PIEZO1: variants seen among roughly 807,000 people sequenced by gnomAD.
PIEZO1 encodes the protein piezo-type mechanosensitive ion channel component 1.
A neutral mutation model predicts 297.2 loss-of-function variants in PIEZO1; 296 were observed. The ratio of observed to expected loss-of-function variants is 1.00; its 90% CI spans 0.91 to 1.10. The LOEUF is 1.10. Among genes scored for constraint, PIEZO1 ranks in the 50% least tolerant of loss-of-function variants. PIEZO1 has a pLI of 0.00. For synonymous variants in PIEZO1, 2,427 were observed against 1,507.5 expected (o/e 1.61, Z -14.13); for missense variants, 5,018 against 3,455.5 (o/e 1.45, Z -11.34).
At chr16:88,719,012 T>C (rs1329269884) in intron 44 of PIEZO1, 1 of 155,546 alleles carries the variant, frequency 6.4e-6, no homozygotes, top group South Asian at 2.0e-4. Flanking sequence ...TGCCAGCTAA[T>C]TGTTTTATTT....
chr16:88,733,012 C>G (rs1904970663), intron 19 of PIEZO1: 1 of 582,818 alleles, frequency 1.7e-6, no homozygotes, highest in Middle Eastern at 4.5e-4. Context: ...TCTCCCTGTC[C>G]AGGGGTGGGG....
Position 88,734,482 on chromosome 16 carries a change from A to G in PIEZO1, c.2054T>C (p.Leu685Pro). The change falls in exon 16 of 51, where the codon CTG (leucine) becomes CCG (proline). Residue 685 changes from leucine (L) to proline (P), a missense_variant. Transcript: ENST00000301015. ...FSVSELFSSI[L>P]VPGFFLLACI... is the part of the protein sequence containing the mutation. ...GGCCAGGAGGAAGAAGCCGGGCACC[A>G]GGATGCTGGAGAAGAGCTCGGACAC... 6.5e-7 allele frequency: 1 copy of G among 1,549,522 alleles called. No individual in the cohort carries two copies. The highest frequency in any genetic ancestry group is 8.7e-7 in the Non-Finnish European group (1 of 1,146,522).
intron 39 of PIEZO1, 33 bp from the exon 40 acceptor site, chr16:88,720,781 C>T: frequency 6.9e-7 from 1 of 1,454,170 alleles, no homozygotes; most frequent in Non-Finnish European, 9.0e-7. Flanking sequence ...GCCTGGGCCC[C>T]CTGGGGACTG....
chr16:88,761,563 G>A (rs1161794534), intron 1 of PIEZO1, among the ~76,000 whole-genome samples: 1 of 152,186 alleles, frequency 6.6e-6, no homozygotes, highest in Non-Finnish European at 1.5e-5. Flanking sequence ...AGGTGCCTTT[G>A]CGTTCTCCCC....
intron 36 of PIEZO1, 63 bp downstream of exon 36, chr16:88,722,155 C>A: frequency 6.6e-7 from 1 of 1,522,844 alleles, no homozygotes; most frequent in South Asian, 1.2e-5. Context: ...CAGTCTCCTG[C>A]CCCTGTTCGG....
At chr16:88,775,773 G>A (rs972975347) in intron 1 of PIEZO1, among the ~76,000 whole-genome samples, 1 of 151,798 alleles carries the variant, frequency 6.6e-6, no homozygotes, top group African/African-American at 2.4e-5. Context: ...GCGAAGGGCA[G>A]GACAGGAGTG....
chr16:88,748,500 C>A (rs1327084974), intron 2 of PIEZO1, among the ~76,000 whole-genome samples: 2 of 138,764 alleles, frequency 1.4e-5, no homozygotes, highest in East Asian at 2.2e-4. Flanking sequence ...CCCCCCCCCC[C>A]CGCACAAGTG....
chr16:88,731,049 G>T (rs187469812), intron 22 of PIEZO1: 117 of 154,758 alleles, frequency 7.6e-4, no homozygotes, highest in Admixed American at 1.2e-3. Context: ...GGTGCTGTGT[G>T]CCTTGAGCAG....
At position 88,720,449 on chromosome 16, in the gene PIEZO1, G is replaced by A. The variant is rs549819134; in HGVS notation, c.5885C>T (p.Ala1962Val). The A allele has an allele frequency of 2.3e-5, 35 of 1,550,488 alleles. No homozygotes were observed. The South Asian group carries it at 3.0e-4, about 13-fold the overall frequency. ...GACAACATCAGCCAGGAACATGAGGGCATAGACGTCGGTGGCTGCGCGGTA... is the reference window on the plus strand; with the variant it reads ...GACAACATCAGCCAGGAACATGAGGACATAGACGTCGGTGGCTGCGCGGTA... The part of the protein sequence containing the change: ...TKYRAATDVY[A>V]LMFLADVVDF... Residue 1962 changes from alanine to valine, a missense_variant, in exon 41 of 51, where the codon GCC becomes GTC. By Grantham distance (64) the Ala-to-Val change is moderately conservative (BLOSUM62 0). Coordinates refer to ENST00000301015, the MANE Select transcript of PIEZO1 (RefSeq NM_001142864.4).
chr16:88,715,481 A>C lies in PIEZO1; in HGVS notation c.*124T>G. On this transcript the variant is annotated 3_prime_UTR_variant, in exon 51 of 51. Coordinates refer to ENST00000301015, the MANE Select transcript of PIEZO1 (RefSeq NM_001142864.4). Reference sequence around the variant, plus strand: ...AGCATCAGGGCTCAGGCAGGCCGGGAGGATGCATCACAGCTGGCGGCCTTG... The same window carrying C: ...AGCATCAGGGCTCAGGCAGGCCGGGCGGATGCATCACAGCTGGCGGCCTTG... The C allele has an allele frequency of 9.3e-7, 1 of 1,070,402 alleles. No homozygotes were observed. The highest frequency in any genetic ancestry group is 1.3e-6 in the Non-Finnish European group (1 of 745,898). The allele number at this position is 1,070,402 out of a possible 1,614,324, so 66.3% of individuals were successfully genotyped here.
At position 88,738,489 on chromosome 16, in the gene PIEZO1, C is replaced by T. The variant is rs766487711; in HGVS notation, c.635-49G>A. ...TGGTACCTGGCCAGTGCCATGTGTC[C>T]CGCTGTCTCCACAGTCATCAGGGAA... is the stretch of plus-strand genomic sequence containing the variant. On this transcript the variant is annotated intron_variant, in intron 6 of 50. Transcript: ENST00000301015. The T allele has an allele frequency of 2.8e-5, 43 of 1,524,952 alleles. No individual in the cohort carries two copies. In the African/African-American group the frequency reaches 4.1e-4, roughly 15 times the overall value. The allele number at this position is 1,524,952 out of a possible 1,614,324, so 94.5% of individuals were successfully genotyped here.
intron 2 of PIEZO1, among the ~76,000 whole-genome samples, chr16:88,747,609 G>A (rs558119711): frequency 2.6e-5 from 4 of 152,350 alleles, no homozygotes; most frequent in Admixed American, 6.5e-5. Context: ...TCGCGAGGCC[G>A]GAGAGCGACC....
In PIEZO1 at chr16:88,737,944, G is replaced by A. The variant is rs927305666; in HGVS notation, c.1010C>T (p.Pro337Leu). Residue 337 changes from proline (P) to leucine (L), a missense_variant, in exon 8 of 51, where the codon CCC becomes CTC. By Grantham distance (98) the Pro-to-Leu change is moderately conservative (BLOSUM62 -3). Coordinates refer to ENST00000301015, the MANE Select transcript of PIEZO1 (RefSeq NM_001142864.4). ...GTGGCAGGTGCTCACCTGGCCGGAG[G>A]GGCGGTACGCGCGGAGCTTGCGCAG... is the stretch of plus-strand genomic sequence containing the variant. ...ASLRKLRAYR[P>L]SGQRKEAAKG... 8 of 1,530,310 alleles carry A rather than the reference G, an allele frequency of 5.2e-6. No individual in the cohort carries two copies. In the African/African-American group the frequency reaches 5.5e-5, roughly 10 times the overall value. The allele number at this position is 1,530,310 out of a possible 1,614,324, so 94.8% of individuals were successfully genotyped here. A position where few individuals can be genotyped will look rare whatever the true frequency, so the allele number is the denominator to read the frequency against.
At chr16:88,722,732 G>T in intron 34 of PIEZO1, 43 bp from the exon 35 acceptor site, 2 of 1,530,314 alleles carry the variant, frequency 1.3e-6, no homozygotes, top group Non-Finnish European at 8.8e-7. Flanking sequence ...TCCAGCTCTT[G>T]TCCCCACACG....
At chr16:88,732,242 T>C in intron 21 of PIEZO1, 93 bp downstream of exon 21, 1 of 1,142,770 alleles carries the variant, frequency 8.8e-7, no homozygotes, top group African/African-American at 1.5e-5. Context: ...CAAACCCAGG[T>C]GGGGCCAGGC....
chr16:88,734,751 G>A lies in PIEZO1; in HGVS notation c.1896C>T (p.Leu632=), dbSNP rs376849992. The A allele has an allele frequency of 2.1e-5, 33 of 1,550,166 alleles. No homozygotes were observed. The highest frequency in any genetic ancestry group is 1.4e-4 in the Admixed American group (7 of 50,996). The stretch of plus-strand genomic sequence containing the variant: ...GGACCAGCATGGTGTAGGCCACCAC[G>A]AGCCACCAGAAGGCCTTGAGCAGCT... ...WRKLLKAFWW[L]VVAYTMLVLI... is the part of the protein sequence containing the mutation. The change falls in exon 15 of 51, where the codon CTC becomes CTT. Residue 632 remains leucine (L), a synonymous_variant. Transcript: ENST00000301015.
At chr16:88,747,004 AGCACTCG>A in intron 2 of PIEZO1, among the ~76,000 whole-genome samples, 1 of 152,318 alleles carries the variant, frequency 6.6e-6, no homozygotes, top group Middle Eastern at 3.4e-3. Context: ...AGCGACTCCC[AGCACTCG>A]GCCGCACTGG....
intron 22 of PIEZO1, among the ~76,000 whole-genome samples, chr16:88,729,511 T>C (rs1297401316): frequency 8.0e-6 from 1 of 124,354 alleles, no homozygotes; most frequent in East Asian, 2.6e-4. Context: ...CCCTCGATGC[T>C]GGGGAACCCA....
Position 88,720,858 on chromosome 16 carries a change from C to A in PIEZO1, c.5669-110G>T. The A allele has an allele frequency of 1.6e-6, 2 of 1,262,132 alleles. 1 individual carries two copies. The highest frequency in any genetic ancestry group is 3.2e-5 in the South Asian group (2 of 63,072). The allele number at this position is 1,262,132 out of a possible 1,614,324, so 78.2% of individuals were successfully genotyped here. ...TCTCCCTGTTTGACAGACAAGCAGA[C>A]GGAGCACAGGAAAGCTCCCAGTGTC... On this transcript the variant is annotated intron_variant, in intron 39 of 50. Coordinates refer to ENST00000301015, the MANE Select transcript of PIEZO1 (RefSeq NM_001142864.4).
Sources: allele counts gnomAD v4.1 joint callset (sites outside exome capture counted in the v4.1 genomes callset), GRCh38; gene constraint gnomAD v4.1.1; transcripts MANE v1.5; gene names NCBI Gene and HGNC (gene_info 2026-07-23, HGNC 2026-07-21).